Variants in PHLPP2 observed in about 807,000 individuals in gnomAD.
PHLPP2 encodes the protein PH domain and leucine rich repeat protein phosphatase 2, also known as PH domain leucine-rich repeat-containing protein phosphatase 2.
In PHLPP2, 66 loss-of-function variants were observed where a neutral mutation model predicts 124.9. The observed-to-expected ratio is 0.53, with a 90% CI of 0.43 to 0.65. PHLPP2 has a LOEUF of 0.65. Among genes scored for constraint, PHLPP2 ranks in the 30% least tolerant of loss-of-function variants. PHLPP2 has a pLI of 0.00. For missense variants in PHLPP2, 1,685 were observed against 1,600.4 expected (o/e 1.05, Z -0.90); for synonymous variants, 681 against 624.7 (o/e 1.09, Z -1.34).
At chr16:71,717,964 C>T (rs1264915504) in intron 1 of PHLPP2, among the ~76,000 whole-genome samples, 1 of 152,154 alleles carries the variant, frequency 6.6e-6, no homozygotes, top group Non-Finnish European at 1.5e-5. Context: ...TGATCATAGC[C>T]CACGGCAGCT....
intron 3 of PHLPP2, among the ~76,000 whole-genome samples, chr16:71,699,319 T>C (rs2045205904): frequency 6.6e-6 from 1 of 152,128 alleles, no homozygotes; most frequent in African/African-American, 2.4e-5. Flanking sequence ...GAGTGTCTTT[T>C]TACCAATCGA....
At chr16:71,691,724 T>C (rs985877787) in intron 3 of PHLPP2, among the ~76,000 whole-genome samples, 2 of 152,024 alleles carry the variant, frequency 1.3e-5, no homozygotes, top group African/African-American at 4.8e-5. Flanking sequence ...GTGGTGGAAA[T>C]TCTACTTCTC....
Position 71,724,583 on chromosome 16 carries a change from T to C in PHLPP2, c.-261A>G, listed in dbSNP as rs1489780007. On this transcript the variant is annotated 5_prime_UTR_variant, in exon 1 of 19. Transcript: ENST00000568954. ...GTTAACTTCTTTTCTTTTCTTTGTT[T>C]TGTTTTTCTTTTCGTTCTCGCAGTG... 1 of 151,954 alleles carries C rather than the reference T, an allele frequency of 6.6e-6. No individual in the cohort carries two copies. Among genetic ancestry groups the C allele is most frequent in the Non-Finnish European group, 1.5e-5 (1 of 68,040 alleles). The allele number at this position is 151,954 out of a possible 1,614,324, so 9.4% of individuals were successfully genotyped here. A position where few individuals can be genotyped will look rare whatever the true frequency, so the allele number is the denominator to read the frequency against.
chr16:71,694,429 C>G (rs1446392015), intron 3 of PHLPP2, among the ~76,000 whole-genome samples: 1 of 151,984 alleles, frequency 6.6e-6, no homozygotes, highest in African/African-American at 2.4e-5. Context: ...CCATTGCACT[C>G]CTACCTGGGC....
At position 71,648,046 on chromosome 16, in the gene PHLPP2, TTTGA is replaced by T. The variant is rs2044665989; in HGVS notation, c.*840_*843del. 6.6e-6 allele frequency: 1 copy of T among 152,652 alleles called. No homozygotes were observed. Among genetic ancestry groups the T allele is most frequent in the African/African-American group, 2.4e-5 (1 of 41,460 alleles). The allele number at this position is 152,652 out of a possible 1,614,324, so 9.5% of individuals were successfully genotyped here. Reference sequence around the variant, plus strand: ...TTACATTACATACATAAATTATCTGTTTGATTGGTTCTACATTTCCAACAGACAT... The same window carrying T: ...TTACATTACATACATAAATTATCTGTTTGGTTCTACATTTCCAACAGACAT... On this transcript the variant is annotated 3_prime_UTR_variant, in exon 19 of 19. Transcript: ENST00000568954.
chr16:71,667,221 C>G lies in PHLPP2; in HGVS notation c.1741G>C (p.Ala581Pro). The G allele has an allele frequency of 6.2e-7, 1 of 1,613,818 alleles. No homozygotes were observed. Among genetic ancestry groups the G allele is most frequent in the Non-Finnish European group, 8.5e-7 (1 of 1,179,864 alleles). The change falls in exon 12 of 19, where the codon GCA becomes CCA. Residue 581 changes from alanine (A) to proline (P), a missense_variant. Physicochemically the swap from Ala to Pro is conservative, Grantham distance 27. Transcript: ENST00000568954. ...AGGGTGTCTGGCAGCCTCGTGAGTGCATTATGCTGAAGATCCAGCACCTCG... is the reference window on the plus strand; with the variant it reads ...AGGGTGTCTGGCAGCCTCGTGAGTGGATTATGCTGAAGATCCAGCACCTCG... The part of the protein sequence containing the change: ...PLEVLDLQHN[A>P]LTRLPDTLFS...
intron 18 of PHLPP2, among the ~76,000 whole-genome samples, chr16:71,652,164 ACT>A (rs1231785151): frequency 6.6e-6 from 1 of 152,186 alleles, no homozygotes; most frequent in East Asian, 1.9e-4. Flanking sequence ...ATATACAAAG[ACT>A]CTTAAAACTC....
intron 1 of PHLPP2, among the ~76,000 whole-genome samples, chr16:71,721,949 T>C (rs11639902): frequency 0.32 from 48,049 of 152,016 alleles, 8,036 homozygotes; most frequent in Middle Eastern, 0.4. Flanking sequence ...TTGAAGAATA[T>C]CTGTATTATC....
intron 3 of PHLPP2, among the ~76,000 whole-genome samples, chr16:71,695,519 GC>G (rs1198008055): frequency 6.6e-6 from 1 of 152,114 alleles, no homozygotes; most frequent in African/African-American, 2.4e-5. Flanking sequence ...GACCAGCCTG[GC>G]CAACATGGTG....
chr16:71,672,282 G>A lies in PHLPP2; in HGVS notation c.1512C>T (p.Leu504=), dbSNP rs2044901446. The change falls in exon 10 of 19, where the codon CTC becomes CTT. Residue 504 remains leucine (L), a synonymous_variant. Transcript: ENST00000568954. The part of the protein sequence containing the change: ...AVNVYPVPSL[L]TFLDLSRNLL... ...CTCACCGGGAGAGATCCAAGAAAGT[G>A]AGCAGGCTGGGTACTGGATAGACGT... 6.8e-6 allele frequency: 11 copies of A among 1,613,634 alleles called. No homozygotes were observed. The highest frequency in any genetic ancestry group is 9.3e-6 in the Non-Finnish European group (11 of 1,179,560).
intron 12 of PHLPP2, among the ~76,000 whole-genome samples, chr16:71,665,550 CCT>C (rs1436950910): frequency 6.6e-6 from 1 of 152,012 alleles, no homozygotes; most frequent in Non-Finnish European, 1.5e-5. Context: ...ATCCATAATC[CCT>C]GATTCACTTT....
chr16:71,707,918 G>A (rs1008785398), intron 2 of PHLPP2, among the ~76,000 whole-genome samples: 1 of 152,208 alleles, frequency 6.6e-6, no homozygotes, highest in African/African-American at 2.4e-5. Context: ...CTGGCAGTCA[G>A]TGTCAGATCT....
At chr16:71,698,604 A>T (rs2045197794) in intron 3 of PHLPP2, 1 of 616,510 alleles carries the variant, frequency 1.6e-6, no homozygotes, top group Admixed American at 1.9e-5. Flanking sequence ...CCCATACAAG[A>T]AACAGGCTGA....
chr16:71,667,207 C>A lies in PHLPP2; in HGVS notation c.1755G>T (p.Leu585=). 3 of 1,613,250 alleles carry A rather than the reference C, an allele frequency of 1.9e-6. No homozygotes were observed. The highest frequency in any genetic ancestry group is 1.7e-6 in the Non-Finnish European group (2 of 1,179,726). Residue 585 remains leucine, a synonymous_variant, in exon 12 of 19, where the codon CTG becomes CTT. Coordinates refer to ENST00000568954, the MANE Select transcript of PHLPP2 (RefSeq NM_015020.3). ...AGGCCTTGGAGAAGAGGGTGTCTGGCAGCCTCGTGAGTGCATTATGCTGAA... is the reference window on the plus strand; with the variant it reads ...AGGCCTTGGAGAAGAGGGTGTCTGGAAGCCTCGTGAGTGCATTATGCTGAA... ...LDLQHNALTR[L]PDTLFSKALN...
chr16:71,672,864 C>T (rs1038356804), intron 9 of PHLPP2, among the ~76,000 whole-genome samples: 2 of 152,172 alleles, frequency 1.3e-5, no homozygotes, highest in African/African-American at 2.4e-5. Context: ...TATATGCATG[C>T]GGTATGTATA....
intron 10 of PHLPP2, among the ~76,000 whole-genome samples, chr16:71,669,668 A>T (rs2044873439): frequency 6.6e-6 from 1 of 152,252 alleles, no homozygotes; most frequent in Admixed American, 6.5e-5. Flanking sequence ...GTGGGATGGG[A>T]TGAGGGAAAG....
chr16:71,717,150 G>A (rs2045368381), intron 1 of PHLPP2, among the ~76,000 whole-genome samples: 2 of 152,028 alleles, frequency 1.3e-5, no homozygotes, highest in Admixed American at 1.3e-4. Context: ...AAAGTGAATG[G>A]GAGTAAATAA....
Position 71,690,581 on chromosome 16 carries a change from C to G in PHLPP2, c.547G>C (p.Val183Leu). The G allele has an allele frequency of 6.2e-7, 1 of 1,613,302 alleles. No homozygotes were observed. ...GTTTGACAATCCTTCACTGAGGAAA[C>G]GATAAGGCAGGTACCACAGAGGACA... is the stretch of plus-strand genomic sequence containing the variant. Reference protein sequence around the residue: ...LVVLCGTCLIVSSVKDCQTGK... With the variant: ...LVVLCGTCLILSSVKDCQTGK... The change falls in exon 4 of 19, where the codon GTT (valine) becomes CTT (leucine). Residue 183 changes from valine (V) to leucine (L), a missense_variant. Transcript: ENST00000568954.
At chr16:71,722,526 G>A (rs528432741) in intron 1 of PHLPP2, among the ~76,000 whole-genome samples, 1 of 152,218 alleles carries the variant, frequency 6.6e-6, no homozygotes, top group Admixed American at 6.5e-5. Flanking sequence ...GATTCACTGG[G>A]TTCTATTATT....
Sources: allele counts gnomAD v4.1 joint callset (sites outside exome capture counted in the v4.1 genomes callset), GRCh38; gene constraint gnomAD v4.1.1; transcripts MANE v1.5; gene names NCBI Gene and HGNC (gene_info 2026-07-23, HGNC 2026-07-21).